Variants in CBLIF observed in about 807,000 individuals in gnomAD.
CBLIF encodes the protein cobalamin binding intrinsic factor.
CBLIF carries 24 observed loss-of-function variants against 44.9 expected under a neutral mutation model. That is an observed-to-expected ratio of 0.53 (90% CI 0.39 to 0.75). CBLIF has a LOEUF of 0.75. Ranked by LOEUF, CBLIF falls within the 30% of genes least tolerant of loss-of-function variation. The pLI, the probability that CBLIF is intolerant of heterozygous loss-of-function variation, is 0.00. For synonymous variants in CBLIF, 183 were observed against 190.9 expected, an observed-to-expected ratio of 0.96 and a Z score of 0.34; for missense variants, 481 against 513.0, an observed-to-expected ratio of 0.94 and a Z score of 0.60.
intron 2 of CBLIF, 35 bp downstream of exon 2, chr11:59,843,844 A>T: frequency 6.5e-7 from 1 of 1,537,982 alleles, no homozygotes; most frequent in Non-Finnish European, 9.0e-7. Flanking sequence ...GATGTGTGAG[A>T]TTCAGGGAGA....
intron 8 of CBLIF, among the ~76,000 whole-genome samples, chr11:59,830,091 T>TAGCTGG (rs1425244972): frequency 2.6e-5 from 4 of 152,168 alleles, no homozygotes; most frequent in Admixed American, 6.5e-5. Flanking sequence ...ACCTTTCAGG[T>TAGCTGG]AGCTGGCAAC....
At chr11:59,837,618 C>T (rs181647630) in intron 5 of CBLIF, among the ~76,000 whole-genome samples, 82 of 152,318 alleles carry the variant, frequency 5.4e-4, no homozygotes, top group Non-Finnish European at 9.3e-4. Context: ...TATTTACGAA[C>T]GACTCTTGAA....
chr11:59,843,369 G>T (rs1017602053), intron 2 of CBLIF, among the ~76,000 whole-genome samples: 2 of 152,104 alleles, frequency 1.3e-5, no homozygotes, highest in South Asian at 4.1e-4. Context: ...TGGTATTTGA[G>T]AATCCCTGGT....
At chr11:59,833,096 T>C (rs1247426335) in intron 7 of CBLIF, among the ~76,000 whole-genome samples, 1 of 152,246 alleles carries the variant, frequency 6.6e-6, no homozygotes, top group Non-Finnish European at 1.5e-5. Flanking sequence ...TTTCTTCTTT[T>C]TGCTTTTTCC....
intron 5 of CBLIF, chr11:59,840,916 C>T: frequency 2.1e-6 from 1 of 473,936 alleles, no homozygotes; most frequent in Non-Finnish European, 3.8e-6. Context: ...GAAAGAGAAA[C>T]AAGTTCATAT....
intron 5 of CBLIF, 135 bp from the exon 6 acceptor site, chr11:59,837,486 A>G (rs941292045): frequency 6.2e-5 from 46 of 739,202 alleles, no homozygotes; most frequent in Admixed American, 6.0e-4. Context: ...AGCCAATGCT[A>G]TGTAAGGTTT....
At chr11:59,834,885 A>G (rs182330015) in intron 7 of CBLIF, among the ~76,000 whole-genome samples, 22 of 152,214 alleles carry the variant, frequency 1.4e-4, no homozygotes, top group African/African-American at 4.6e-4. Flanking sequence ...ATCCCAGAGG[A>G]AGTCATCGTC....
chr11:59,839,425 C>A (rs911878686), intron 5 of CBLIF, among the ~76,000 whole-genome samples: 6 of 152,160 alleles, frequency 3.9e-5, no homozygotes, highest in Admixed American at 3.9e-4. Context: ...TTGCATACCA[C>A]ATTTTATTTA....
intron 3 of CBLIF, 93 bp from the exon 4 acceptor site, chr11:59,842,676 T>G: frequency 7.5e-7 from 1 of 1,339,772 alleles, no homozygotes; most frequent in Non-Finnish European, 1.1e-6. Flanking sequence ...GAAAAGGAAA[T>G]TGCTAGAAAA....
chr11:59,837,861 G>T (rs922984973), intron 5 of CBLIF, among the ~76,000 whole-genome samples: 1 of 152,162 alleles, frequency 6.6e-6, no homozygotes, highest in Non-Finnish European at 1.5e-5. Context: ...GACAGTGATT[G>T]GTGGACACAT....
chr11:59,841,066 T>C, intron 5 of CBLIF, 77 bp downstream of exon 5: 1 of 1,031,606 alleles, frequency 9.7e-7, no homozygotes, highest in East Asian at 2.4e-5. Flanking sequence ...GAGATGTTAG[T>C]AGAAGCCTGG....
intron 1 of CBLIF, among the ~76,000 whole-genome samples, chr11:59,844,286 C>T (rs1866579207): frequency 6.6e-6 from 1 of 152,024 alleles, no homozygotes; most frequent in African/African-American, 2.4e-5. Flanking sequence ...TACAGGTGTG[C>T]ACCACCACGC....
At position 59,841,282 on chromosome 11, in the gene CBLIF, T is replaced by C; in HGVS notation, c.554A>G (p.Asn185Ser). 1 of 1,614,018 alleles carries C rather than the reference T, an allele frequency of 6.2e-7. No homozygotes were observed. Among genetic ancestry groups the C allele is most frequent in the Non-Finnish European group, 8.5e-7 (1 of 1,179,864 alleles). The change falls in exon 5 of 9, where the codon AAC becomes AGC. Residue 185 changes from asparagine to serine, a missense_variant. Asn to Ser is a conservative substitution (Grantham distance 46). Coordinates refer to ENST00000257248, the MANE Select transcript of CBLIF (RefSeq NM_005142.3). ...MATLALTCMY[N>S]KIPVGSEEGY... ...TTCCTCTGAACCTACAGGGATCTTG[T>C]TGTACATACAGGTCAGAGCCAAGGT...
At chr11:59,840,939 A>T in intron 5 of CBLIF, 1 of 571,200 alleles carries the variant, frequency 1.8e-6, no homozygotes, top group Non-Finnish European at 3.1e-6. Flanking sequence ...ATTTGTTTTC[A>T]CACTTTACAT....
intron 3 of CBLIF, 137 bp from the exon 4 acceptor site, chr11:59,842,720 G>T (rs1171541793): frequency 2.5e-6 from 2 of 797,112 alleles, no homozygotes; most frequent in East Asian, 2.6e-5. Context: ...CATAGGCAAA[G>T]AGCAACTTCA....
rs375486811 is a variant in CBLIF, at chr11:59,841,483, CA to C, written c.512-160del. Among the ~76,000 whole-genome samples the C allele has an allele frequency of 4.4e-3, 672 of 152,222 alleles. 7 individuals carry two copies. Among genetic ancestry groups the C allele is most frequent in the African/African-American group, 0.016 (644 of 41,542 alleles). On this transcript the variant is annotated intron_variant, in intron 4 of 8. Transcript: ENST00000257248. Reference sequence around the variant, plus strand: ...CCTGTAATCATCTCCATTTAAGAGACAAAAAATGGAGGCTCAGAAAAATTAA... The same window carrying C: ...CCTGTAATCATCTCCATTTAAGAGACAAAAATGGAGGCTCAGAAAAATTAA...
At chr11:59,837,921 AT>A (rs941732601) in intron 5 of CBLIF, among the ~76,000 whole-genome samples, 4 of 151,686 alleles carry the variant, frequency 2.6e-5, no homozygotes, top group African/African-American at 7.3e-5. Flanking sequence ...ACACCCAAAG[AT>A]TTTTTTTTCC....
At chr11:59,844,239 G>A (rs1015957051) in intron 1 of CBLIF, among the ~76,000 whole-genome samples, 184 bp from the exon 2 acceptor site, 3 of 152,102 alleles carry the variant, frequency 2.0e-5, no homozygotes, top group African/African-American at 7.2e-5. Flanking sequence ...CCAGGTTCAA[G>A]TGATTCTCCT....
intron 7 of CBLIF, among the ~76,000 whole-genome samples, chr11:59,833,411 G>C (rs980465533): frequency 8.6e-5 from 13 of 151,968 alleles, no homozygotes; most frequent in African/African-American, 2.7e-4. Flanking sequence ...CAGCTACTCA[G>C]GAGGCTGAGG....
Sources: gnomAD v4.1 joint callset for allele counts (sites outside exome capture counted in the v4.1 genomes callset) on GRCh38, gnomAD v4.1.1 for gene constraint, MANE v1.5 for transcripts, NCBI Gene and HGNC (gene_info 2026-07-23, HGNC 2026-07-21) for gene names.